DSCAM: variants seen among roughly 807,000 people sequenced by gnomAD.
The protein encoded by DSCAM is DS cell adhesion molecule, also known as cell adhesion molecule DSCAM.
DSCAM carries 47 observed loss-of-function variants against 217.7 expected under a neutral mutation model. The ratio of observed to expected loss-of-function variants is 0.22; its 90% CI spans 0.17 to 0.28. The LOEUF is 0.28. DSCAM is among the 10% of genes least tolerant of loss of function. DSCAM has a pLI of 1.00. For missense variants in DSCAM, 2,080 were observed against 2,618.3 expected (o/e 0.79, Z 4.49); for synonymous variants, 1,056 against 1,015.3 (o/e 1.04, Z -0.76).
intron 8 of DSCAM, among the ~76,000 whole-genome samples, chr21:40,322,084 C>G (rs1321785993): frequency 6.6e-6 from 1 of 152,222 alleles, no homozygotes; most frequent in Non-Finnish European, 1.5e-5. Context: ...AAAACACATA[C>G]TGCATATTTC....
chr21:40,633,298 T>C (rs1349232435), intron 3 of DSCAM, among the ~76,000 whole-genome samples: 2 of 152,104 alleles, frequency 1.3e-5, no homozygotes, highest in Admixed American at 1.3e-4. Flanking sequence ...CAACGTATAA[T>C]CAAATGGCGG....
intron 11 of DSCAM, among the ~76,000 whole-genome samples, chr21:40,203,692 C>T (rs1406191887): frequency 6.6e-6 from 1 of 152,170 alleles, no homozygotes; most frequent in African/African-American, 2.4e-5. Flanking sequence ...CATGCAAAGA[C>T]CTTTGTAGAT....
intron 3 of DSCAM, among the ~76,000 whole-genome samples, chr21:40,469,323 A>T (rs1199510097): frequency 1.3e-5 from 2 of 152,170 alleles, no homozygotes; most frequent in Non-Finnish European, 2.9e-5. Flanking sequence ...GGAGGGAGAA[A>T]AAAAGACATG....
intron 3 of DSCAM, among the ~76,000 whole-genome samples, chr21:40,409,436 G>A (rs1465656063): frequency 6.6e-6 from 1 of 152,140 alleles, no homozygotes; most frequent in Non-Finnish European, 1.5e-5. Flanking sequence ...CCAGCCTGAT[G>A]GTCTCTTCTC....
At position 40,054,637 on chromosome 21, in the gene DSCAM, G is replaced by T. The variant is rs187510827; in HGVS notation, c.5035+1088C>A. Among the ~76,000 whole-genome samples the T allele has an allele frequency of 3.3e-3, 508 of 152,346 alleles. 5 individuals are homozygous for T. The highest frequency in any genetic ancestry group is 0.012 in the African/African-American group (489 of 41,592). On this transcript the variant is annotated intron_variant, in intron 29 of 32. Transcript: ENST00000400454. The stretch of plus-strand genomic sequence containing the variant: ...CAAACATAGCCAGGTTTGAAAAGAG[G>T]CAGCCTCGGAGCCTGCCTCAGGGTG...
At chr21:40,263,875 A>C (rs574364992) in intron 11 of DSCAM, among the ~76,000 whole-genome samples, 1 of 152,146 alleles carries the variant, frequency 6.6e-6, no homozygotes, top group Non-Finnish European at 1.5e-5. Context: ...GAGACATCAC[A>C]ACTGACACCA....
intron 4 of DSCAM, among the ~76,000 whole-genome samples, chr21:40,364,761 C>T (rs919929977): frequency 1.4e-5 from 2 of 139,598 alleles, no homozygotes; most frequent in African/African-American, 2.6e-5. Context: ...AGTATATATA[C>T]ATATATATAT....
chr21:40,248,930 A>G lies in DSCAM; in HGVS notation c.2356+27167T>C, dbSNP rs376578598. 2.0e-4 allele frequency among the ~76,000 whole-genome samples: 31 copies of G among 152,306 alleles called. No homozygotes were observed. In the South Asian group the frequency reaches 6.0e-3, roughly 29 times the overall value. On this transcript the variant is annotated intron_variant, in intron 11 of 32. Coordinates refer to ENST00000400454, the MANE Select transcript of DSCAM (RefSeq NM_001389.5). ...CTTACATGGTGGCGGCAAGAGAAAAATGAAGATGAAGTAAAAGCAGAAACC... is the reference window on the plus strand; with the variant it reads ...CTTACATGGTGGCGGCAAGAGAAAAGTGAAGATGAAGTAAAAGCAGAAACC...
intron 1 of DSCAM, among the ~76,000 whole-genome samples, chr21:40,775,694 T>C (rs925110744): frequency 1.3e-5 from 2 of 152,192 alleles, no homozygotes; most frequent in Admixed American, 1.3e-4. Context: ...CCCAGGATCC[T>C]GAGGTTTTCA....
chr21:40,498,033 G>A (rs2076133405), intron 3 of DSCAM, among the ~76,000 whole-genome samples: 1 of 152,138 alleles, frequency 6.6e-6, no homozygotes, highest in South Asian at 2.1e-4. Context: ...TTAAGAGTAT[G>A]GATTTTGGCA....
intron 3 of DSCAM, among the ~76,000 whole-genome samples, chr21:40,478,620 T>A (rs951569010): frequency 1.3e-5 from 2 of 152,182 alleles, no homozygotes; most frequent in Admixed American, 6.5e-5. Flanking sequence ...ATTTCAGGTG[T>A]TGAACTGAGA....
chr21:40,098,421 CT>C (rs2089709990), intron 20 of DSCAM, among the ~76,000 whole-genome samples: 1 of 152,198 alleles, frequency 6.6e-6, no homozygotes, highest in African/African-American at 2.4e-5. Context: ...GATCAGGAAA[CT>C]GAGGTTCAGA....
chr21:40,683,769 C>T (rs921513342), intron 3 of DSCAM, among the ~76,000 whole-genome samples: 6 of 151,996 alleles, frequency 3.9e-5, no homozygotes, highest in African/African-American at 1.5e-4. Flanking sequence ...GTTCTCAGCC[C>T]CTGCAGAGTG....
chr21:40,471,910 A>G (rs1215381084), intron 3 of DSCAM, among the ~76,000 whole-genome samples: 2 of 152,142 alleles, frequency 1.3e-5, no homozygotes, highest in Non-Finnish European at 2.9e-5. Flanking sequence ...CGTCATTTAC[A>G]TTAGGTATAT....
At chr21:40,732,111 G>C (rs1326399013) in intron 1 of DSCAM, among the ~76,000 whole-genome samples, 2 of 152,132 alleles carry the variant, frequency 1.3e-5, no homozygotes, top group Non-Finnish European at 2.9e-5. Context: ...GTTTTTGGGG[G>C]ATACCATTCA....
At chr21:40,538,509 C>T (rs1240333916) in intron 3 of DSCAM, among the ~76,000 whole-genome samples, 2 of 152,144 alleles carry the variant, frequency 1.3e-5, no homozygotes, top group African/African-American at 4.8e-5. Context: ...CCCATTTTGA[C>T]ACCAAGCAGA....
chr21:40,244,029 T>C (rs1348541184), intron 11 of DSCAM, among the ~76,000 whole-genome samples: 1 of 152,136 alleles, frequency 6.6e-6, no homozygotes, highest in Non-Finnish European at 1.5e-5. Flanking sequence ...TCCTTCCCCA[T>C]TTAGACAACA....
chr21:40,566,077 A>T (rs924894309), intron 3 of DSCAM, among the ~76,000 whole-genome samples: 2 of 152,206 alleles, frequency 1.3e-5, no homozygotes, highest in African/African-American at 4.8e-5. Context: ...TAAATCAGTC[A>T]TTAAGATGTC....
intron 3 of DSCAM, among the ~76,000 whole-genome samples, chr21:40,393,497 A>G (rs1170031121): frequency 6.6e-6 from 1 of 152,196 alleles, no homozygotes; most frequent in Admixed American, 6.5e-5. Flanking sequence ...AGGTAATAGG[A>G]AATCCATATT....
Sources: allele counts gnomAD v4.1 joint callset (sites outside exome capture counted in the v4.1 genomes callset), GRCh38; gene constraint gnomAD v4.1.1; transcripts MANE v1.5; gene names NCBI Gene and HGNC (gene_info 2026-07-23, HGNC 2026-07-21).